The following ZBTB16 variants were observed in gnomAD, a reference collection of about 807,000 sequenced individuals.
ZBTB16 encodes the protein zinc finger and BTB domain-containing protein 16.
A neutral mutation model predicts 56.8 loss-of-function variants in ZBTB16; 8 were observed. The ratio of observed to expected loss-of-function variants is 0.14; its 90% CI spans 0.08 to 0.25. The LOEUF is 0.25. ZBTB16 is among the 10% of genes least tolerant of loss of function. The pLI, the probability that ZBTB16 is intolerant of heterozygous loss-of-function variation, is 1.00. For missense variants in ZBTB16, 625 were observed against 903.0 expected (o/e 0.69, Z 3.95); for synonymous variants, 363 against 368.5 (o/e 0.98, Z 0.17).
rs143638575 is a variant in ZBTB16, at chr11:114,117,942, G to C, written c.1269-38395G>C. 6.0e-3 allele frequency among the ~76,000 whole-genome samples: 914 copies of C among 152,212 alleles called. 6 individuals are homozygous for C. Among genetic ancestry groups the C allele is most frequent in the Non-Finnish European group, 0.01 (698 of 68,020 alleles). On this transcript the variant is annotated intron_variant, in intron 2 of 6. Transcript: ENST00000335953. ...AGAGCAGAGATAGATATTTTCCTTA[G>C]GTCTGGGTTCGTGAGCTATAAACTC...
At chr11:114,235,670 CTTTCTTTCTTTCTTTCTTTCT>C (rs1284475059) in intron 4 of ZBTB16, among the ~76,000 whole-genome samples, 1,060 of 26,056 alleles carry the variant, frequency 0.041, 18 homozygotes, top group African/African-American at 0.087. Context: ...TTCTTTCTTT[CTTTCTTTCTTTCTTTCTTTCT>C]TTTCTTTCTT....
chr11:114,217,588 A>G (rs925115689), intron 4 of ZBTB16, among the ~76,000 whole-genome samples: 3 of 152,178 alleles, frequency 2.0e-5, no homozygotes, highest in Non-Finnish European at 4.4e-5. Context: ...TTCAGGTTGA[A>G]TATAAGATGT....
intron 3 of ZBTB16, among the ~76,000 whole-genome samples, chr11:114,170,334 C>T (rs543347791): frequency 6.6e-6 from 1 of 152,338 alleles, no homozygotes; most frequent in Admixed American, 6.5e-5. Context: ...GAGGAAGCAT[C>T]CGAGGACGGT....
chr11:114,203,474 G>A (rs1352260511), intron 4 of ZBTB16, among the ~76,000 whole-genome samples: 1 of 152,052 alleles, frequency 6.6e-6, no homozygotes, highest in East Asian at 1.9e-4. Flanking sequence ...GATCACTTGA[G>A]CCCAGGAGCT....
At position 114,250,756 on chromosome 11, in the gene ZBTB16, C is replaced by T. The variant is rs12290993; in HGVS notation, c.*201C>T. 5.4e-3 allele frequency: 3,308 copies of T among 613,256 alleles called. 45 individuals are homozygous for T. Among genetic ancestry groups the T allele is most frequent in the African/African-American group, 0.035 (1,896 of 54,148 alleles). 38.0% of individuals were successfully genotyped at this position (613,256 alleles called of 1,614,324 possible). On this transcript the variant is annotated 3_prime_UTR_variant, in exon 7 of 7. Transcript: ENST00000335953. This position sits in a 1 kb window ranked among gnomAD's most constrained non-coding sequence, Gnocchi z 6.0. ...AAGCCACTGCCCCTCCTCTGGGGGCCTCCACCCTCCTCTCCCGGCTGGAGG... is the reference window on the plus strand; with the variant it reads ...AAGCCACTGCCCCTCCTCTGGGGGCTTCCACCCTCCTCTCCCGGCTGGAGG...
In ZBTB16 at chr11:114,091,468, G is replaced by A. The variant is rs917571668; in HGVS notation, c.1268+26900G>A. On this transcript the variant is annotated intron_variant, in intron 2 of 6. Coordinates refer to ENST00000335953, the MANE Select transcript of ZBTB16 (RefSeq NM_006006.6). ...GATGTCCGTTTCTATAAATGCTGGTGCTCGGTGGTCACCGTAGACGTCCGA... is the reference window on the plus strand; with the variant it reads ...GATGTCCGTTTCTATAAATGCTGGTACTCGGTGGTCACCGTAGACGTCCGA... Among the ~76,000 whole-genome samples the A allele has an allele frequency of 3.3e-5, 5 of 151,876 alleles. No homozygotes were observed. The South Asian group carries it at 1.0e-3, about 32-fold the overall frequency.
intron 4 of ZBTB16, among the ~76,000 whole-genome samples, chr11:114,235,757 C>T (rs1193264831): frequency 7.3e-6 from 1 of 137,538 alleles, no homozygotes; most frequent in African/African-American, 2.8e-5. Context: ...TCCTTCCTTC[C>T]TTCCTTCCTT....
intron 2 of ZBTB16, among the ~76,000 whole-genome samples, chr11:114,117,492 G>A (rs1483582021): frequency 6.6e-6 from 1 of 151,798 alleles, no homozygotes; most frequent in Admixed American, 6.6e-5. Flanking sequence ...AGGTGGAGAG[G>A]GAAGGGCACA....
At chr11:114,122,391 T>A (rs571416342) in intron 2 of ZBTB16, among the ~76,000 whole-genome samples, 1 of 152,190 alleles carries the variant, frequency 6.6e-6, no homozygotes, top group East Asian at 1.9e-4. Flanking sequence ...AGGTGGCTAA[T>A]AAACAGAGAG....
chr11:114,191,273 A>G (rs1003746303), intron 4 of ZBTB16, among the ~76,000 whole-genome samples: 3 of 152,146 alleles, frequency 2.0e-5, no homozygotes, highest in Non-Finnish European at 2.9e-5. Flanking sequence ...TTGGTCAACA[A>G]TGGATTGCAT....
At chr11:114,240,668 C>T (rs1944684106) in intron 4 of ZBTB16, among the ~76,000 whole-genome samples, 1 of 152,166 alleles carries the variant, frequency 6.6e-6, no homozygotes, top group African/African-American at 2.4e-5. Flanking sequence ...AGTTAGGACT[C>T]AGACACAAGG....
At chr11:114,103,044 G>C (rs2137758562) in intron 2 of ZBTB16, among the ~76,000 whole-genome samples, 1 of 152,332 alleles carries the variant, frequency 6.6e-6, no homozygotes, top group East Asian at 1.9e-4. Context: ...AAACATTACT[G>C]TATCAGTGAT....
intron 2 of ZBTB16, among the ~76,000 whole-genome samples, chr11:114,112,860 C>T (rs1425712063): frequency 6.6e-6 from 1 of 151,304 alleles, no homozygotes; most frequent in African/African-American, 2.4e-5. Flanking sequence ...ACCTTCCAGG[C>T]ACAAGTGATC....
intron 4 of ZBTB16, among the ~76,000 whole-genome samples, chr11:114,191,872 C>T (rs773141448): frequency 6.6e-6 from 1 of 152,120 alleles, no homozygotes; most frequent in African/African-American, 2.4e-5. Flanking sequence ...AAAAGTAGTC[C>T]ATTGGAGGGT....
At chr11:114,183,168 A>T (rs1056874036) in intron 3 of ZBTB16, among the ~76,000 whole-genome samples, 2 of 152,130 alleles carry the variant, frequency 1.3e-5, no homozygotes, top group African/African-American at 4.8e-5. Flanking sequence ...GGGGGCTAGC[A>T]ATGGGAGCTG....
intron 3 of ZBTB16, 115 bp downstream of exon 3, chr11:114,156,549 T>A: frequency 1.0e-6 from 1 of 953,810 alleles, no homozygotes; most frequent in Non-Finnish European, 1.7e-6. Flanking sequence ...GCTGGGGCCC[T>A]GGTCCATCTT....
chr11:114,140,386 T>A lies in ZBTB16; in HGVS notation c.1269-15951T>A, dbSNP rs185670676. On this transcript the variant is annotated intron_variant, in intron 2 of 6. Transcript: ENST00000335953. The stretch of plus-strand genomic sequence containing the variant: ...ATTGTCTTCCCTCTTCAACTAAAGC[T>A]TTAGGAGGGTAGGTTGGTGTCTTAT... 2.6e-5 allele frequency among the ~76,000 whole-genome samples: 4 copies of A among 152,318 alleles called. No individual in the cohort carries two copies. The East Asian group carries it at 7.7e-4, about 29-fold the overall frequency.
In ZBTB16 at chr11:114,064,287, G is replaced by A; in HGVS notation, c.987G>A (p.Lys329=). 1 of 1,614,128 alleles carries A rather than the reference G, an allele frequency of 6.2e-7. No homozygotes were observed. The highest frequency in any genetic ancestry group is 1.1e-5 in the South Asian group (1 of 91,088). The part of the protein sequence containing the change: ...RPEHPAPPPE[K]HLGIYSVLPN... ...AGCACCCAGCACCCCCGCCTGAGAAGCATCTGGGCATCTACTCCGTGTTGC... is the reference window on the plus strand; with the variant it reads ...AGCACCCAGCACCCCCGCCTGAGAAACATCTGGGCATCTACTCCGTGTTGC... The change falls in exon 2 of 7, where the codon AAG becomes AAA. Residue 329 remains lysine, a synonymous_variant. Transcript: ENST00000335953. The surrounding 1 kb of genome is among the most constrained non-coding windows in gnomAD (Gnocchi z 4.2).
chr11:114,159,970 G>T (rs920035951), intron 3 of ZBTB16, among the ~76,000 whole-genome samples: 1 of 138,758 alleles, frequency 7.2e-6, no homozygotes, highest in African/African-American at 2.9e-5. Context: ...TTCAAAAGGC[G>T]CAGGCTGTGG....
Sources: gnomAD v4.1 joint callset for allele counts (sites outside exome capture counted in the v4.1 genomes callset) on GRCh38, gnomAD v4.1.1 for gene constraint, Gnocchi (gnomAD v3.1) non-coding constraint, MANE v1.5 for transcripts, NCBI Gene and HGNC (gene_info 2026-07-23, HGNC 2026-07-21) for gene names.